The following ARHGAP26 variants were observed in gnomAD, a reference collection of about 807,000 sequenced individuals.
The protein encoded by ARHGAP26 is Rho GTPase activating protein 26.
A neutral mutation model predicts 104.8 loss-of-function variants in ARHGAP26; 38 were observed. The observed-to-expected ratio is 0.36, with a 90% CI of 0.28 to 0.48. The LOEUF (loss-of-function observed/expected upper bound fraction) is 0.48, where lower values mean the gene tolerates loss of function less well. Among genes scored for constraint, ARHGAP26 ranks in the 20% least tolerant of loss-of-function variants. The pLI, the probability that ARHGAP26 is intolerant of heterozygous loss-of-function variation, is 0.99. For missense variants in ARHGAP26, 704 were observed against 947.9 expected (o/e 0.74, Z 3.38); for synonymous variants, 341 against 340.0 (o/e 1.00, Z -0.03).
At chr5:142,944,724 A>G (rs1391725136) in intron 11 of ARHGAP26, among the ~76,000 whole-genome samples, 1 of 152,376 alleles carries the variant, frequency 6.6e-6, no homozygotes, top group Non-Finnish European at 1.5e-5. Flanking sequence ...TACTTAGAAC[A>G]GTGTCTGGCA....
intron 16 of ARHGAP26, 136 bp downstream of exon 16, chr5:143,056,222 G>A: frequency 3.2e-6 from 2 of 620,546 alleles, no homozygotes; most frequent in Non-Finnish European, 5.5e-6. Flanking sequence ...ATACTCATGA[G>A]ATTCTAACAC....
At chr5:142,970,279 G>T (rs1045284249) in intron 11 of ARHGAP26, among the ~76,000 whole-genome samples, 1 of 152,220 alleles carries the variant, frequency 6.6e-6, no homozygotes, top group African/African-American at 2.4e-5. Context: ...GAGGGTAAGG[G>T]TCATGAAATG....
At chr5:143,032,557 C>CT (rs1782023727) in intron 12 of ARHGAP26, among the ~76,000 whole-genome samples, 1 of 152,180 alleles carries the variant, frequency 6.6e-6, no homozygotes. Context: ...GCCACTCAGA[C>CT]TTTTTCTGTC....
intron 11 of ARHGAP26, among the ~76,000 whole-genome samples, chr5:142,967,897 A>G (rs1273404178): frequency 6.6e-6 from 1 of 152,202 alleles, no homozygotes; most frequent in Non-Finnish European, 1.5e-5. Flanking sequence ...AGAGTTTGCT[A>G]GAAGTTCCTG....
At position 143,177,879 on chromosome 5, in the gene ARHGAP26, A is replaced by G. The variant is rs1489599376; in HGVS notation, c.1989-29319A>G. ...CTTTCCAGGTGTGTGATAAATACGG[A>G]TGGAAAGCATGATGAGTGCAGGGCA... On this transcript the variant is annotated intron_variant, in intron 20 of 22. Transcript: ENST00000645722. 4.7e-5 allele frequency among the ~76,000 whole-genome samples: 7 copies of G among 149,048 alleles called. No individual in the cohort carries two copies. In the East Asian group the frequency reaches 1.5e-3, roughly 31 times the overall value.
intron 11 of ARHGAP26, among the ~76,000 whole-genome samples, chr5:142,945,055 A>T (rs749929642): frequency 6.6e-6 from 1 of 152,074 alleles, no homozygotes; most frequent in Non-Finnish European, 1.5e-5. Flanking sequence ...TCGACAGGGA[A>T]CCCACTGATC....
intron 20 of ARHGAP26, among the ~76,000 whole-genome samples, chr5:143,160,091 G>A (rs1254762117): frequency 9.2e-5 from 13 of 141,936 alleles, no homozygotes; most frequent in African/African-American, 3.2e-4. Context: ...ACGGAGTCTC[G>A]CTCTGTCACC....
Position 142,961,484 on chromosome 5 carries a change from C to A in ARHGAP26, c.1107+29359C>A, listed in dbSNP as rs1301412340. The stretch of plus-strand genomic sequence containing the variant: ...TCTAGCCTGAGTGACAAAACAAGAC[C>A]CTGTCTCAAAAAAACAAAAGGGGGG... On this transcript the variant is annotated intron_variant, in intron 11 of 22. Transcript: ENST00000645722. Among the ~76,000 whole-genome samples the A allele has an allele frequency of 4.6e-5, 7 of 151,948 alleles. No homozygotes were observed. In the South Asian group the frequency reaches 1.2e-3, roughly 27 times the overall value.
At chr5:143,131,439 G>T (rs1172037749) in intron 18 of ARHGAP26, among the ~76,000 whole-genome samples, 1 of 152,160 alleles carries the variant, frequency 6.6e-6, no homozygotes, top group Non-Finnish European at 1.5e-5. Flanking sequence ...GGCAAAGCAG[G>T]ATGAGAGGGA....
chr5:143,020,958 A>C (rs1455618195), intron 12 of ARHGAP26, among the ~76,000 whole-genome samples: 1 of 152,172 alleles, frequency 6.6e-6, no homozygotes, highest in Non-Finnish European at 1.5e-5. Flanking sequence ...TGCTTTTATA[A>C]GAATCCTTTA....
intron 1 of ARHGAP26, among the ~76,000 whole-genome samples, chr5:142,864,050 G>T (rs556023173): frequency 9.9e-5 from 15 of 152,092 alleles, no homozygotes; most frequent in African/African-American, 3.6e-4. Flanking sequence ...GCCCCTACCG[G>T]TTTTTCCAGC....
chr5:143,051,832 C>T (rs535335376), intron 14 of ARHGAP26, among the ~76,000 whole-genome samples: 1 of 152,306 alleles, frequency 6.6e-6, no homozygotes, highest in Non-Finnish European at 1.5e-5. Context: ...AACTCCCAGA[C>T]TTGCCAACTG....
intron 17 of ARHGAP26, among the ~76,000 whole-genome samples, chr5:143,064,785 G>A (rs1787250718): frequency 6.6e-6 from 1 of 152,164 alleles, no homozygotes; most frequent in Non-Finnish European, 1.5e-5. Context: ...AGATAGGAGA[G>A]AGAAAGATAT....
chr5:142,800,324 C>G (rs1242568851), intron 1 of ARHGAP26, among the ~76,000 whole-genome samples: 1 of 151,874 alleles, frequency 6.6e-6, no homozygotes, highest in Non-Finnish European at 1.5e-5. Context: ...GTCTCTGTCT[C>G]TCTCTCTCAA....
intron 12 of ARHGAP26, among the ~76,000 whole-genome samples, chr5:143,028,404 T>C (rs934075847): frequency 6.6e-6 from 1 of 152,250 alleles, no homozygotes; most frequent in African/African-American, 2.4e-5. Flanking sequence ...ATTACACTCA[T>C]TAGTGTGAAA....
At position 142,963,196 on chromosome 5, in the gene ARHGAP26, A is replaced by ATGTG. The variant is rs1381593823; in HGVS notation, c.1107+31072_1107+31073insGTGT. ...TGTATATATATATATATATATATAT[A>ATGTG]TATGTGTGTGTGTGTGTGTGTGTGC... On this transcript the variant is annotated intron_variant, in intron 11 of 22. Coordinates refer to ENST00000645722, the MANE Select transcript of ARHGAP26 (RefSeq NM_001135608.3). 6.6e-3 allele frequency among the ~76,000 whole-genome samples: 661 copies of ATGTG among 100,672 alleles called. 2 individuals are homozygous for ATGTG. Among genetic ancestry groups the ATGTG allele is most frequent in the Middle Eastern group, 0.014 (3 of 220 alleles). 66.0% of individuals were successfully genotyped at this position (100,672 alleles called of 152,430 possible).
chr5:143,108,243 C>T (rs1366662453), intron 17 of ARHGAP26, among the ~76,000 whole-genome samples: 6 of 152,242 alleles, frequency 3.9e-5, no homozygotes, highest in African/African-American at 1.4e-4. Context: ...ATTCCTTTTT[C>T]AGTGGATTCC....
chr5:142,813,187 C>A (rs755309995), intron 1 of ARHGAP26, among the ~76,000 whole-genome samples: 3 of 152,130 alleles, frequency 2.0e-5, no homozygotes, highest in African/African-American at 7.2e-5. Flanking sequence ...GTGATCCACC[C>A]GCCTTGGCCT....
Position 142,903,630 on chromosome 5 carries a change from C to A in ARHGAP26, c.793C>A (p.Pro265Thr), listed in dbSNP as rs1223813463. The A allele has an allele frequency of 3.7e-6, 6 of 1,613,990 alleles. No homozygotes were observed. The highest frequency in any genetic ancestry group is 5.1e-6 in the Non-Finnish European group (6 of 1,179,950). Residue 265 changes from proline (P) to threonine (T), a missense_variant, in exon 8 of 23, where the codon CCC becomes ACC. This residue lies in a region of ARHGAP26 where 287 missense variants were observed against 438.8 expected (regional missense o/e 0.65). Transcript: ENST00000645722. ...TCCCCTTGAGCACAAGACCATCAGT[C>A]CCTACACCATGGAGGGATACCTCTA... Reference protein sequence around the residue: ...ENPLEHKTISPYTMEGYLYVQ... With the variant: ...ENPLEHKTISTYTMEGYLYVQ...
Sources: gnomAD v4.1 joint callset for allele counts (sites outside exome capture counted in the v4.1 genomes callset) on GRCh38, gnomAD v4.1.1 for gene constraint, gnomAD v4.1.1 regional missense constraint, MANE v1.5 for transcripts, NCBI Gene and HGNC (gene_info 2026-07-23, HGNC 2026-07-21) for gene names.